BRINP3: variants seen among roughly 807,000 people sequenced by gnomAD.
The protein encoded by BRINP3 is BMP/retinoic acid inducible neural specific 3, also known as BMP/retinoic acid-inducible neural-specific protein 3.
BRINP3 carries 19 observed loss-of-function variants against 71.0 expected under a neutral mutation model. The observed-to-expected ratio is 0.27, with a 90% CI of 0.19 to 0.39. The LOEUF is 0.39. Ranked by LOEUF, BRINP3 falls within the 10% of genes least tolerant of loss-of-function variation. The pLI, the probability that BRINP3 is intolerant of heterozygous loss-of-function variation, is 1.00. For missense variants in BRINP3, 959 were observed against 940.8 expected, an observed-to-expected ratio of 1.02 and a Z score of -0.25; for synonymous variants, 380 against 337.7, an observed-to-expected ratio of 1.13 and a Z score of -1.37.
intron 6 of BRINP3, among the ~76,000 whole-genome samples, chr1:190,216,292 A>G (rs76143719): frequency 0.14 from 21,436 of 151,532 alleles, 2,004 homozygotes; most frequent in South Asian, 0.26. Flanking sequence ...ATTGGTTTTT[A>G]TGTGGTTACT....
intron 2 of BRINP3, among the ~76,000 whole-genome samples, chr1:190,449,013 C>A (rs1334360184): frequency 6.6e-6 from 1 of 151,862 alleles, no homozygotes; most frequent in African/African-American, 2.4e-5. Flanking sequence ...TAAGGTTTTA[C>A]TCAAATTCAG....
At chr1:190,394,246 ACTTAT>A (rs2102320142) in intron 2 of BRINP3, among the ~76,000 whole-genome samples, 1 of 151,604 alleles carries the variant, frequency 6.6e-6, no homozygotes, top group South Asian at 2.1e-4. Flanking sequence ...CTCTCTTTTC[ACTTAT>A]GATTATTTAG....
chr1:190,391,081 G>A (rs1671223535), intron 2 of BRINP3, among the ~76,000 whole-genome samples: 1 of 151,808 alleles, frequency 6.6e-6, no homozygotes, highest in Non-Finnish European at 1.5e-5. Flanking sequence ...GTTATGGGGA[G>A]AATTGGTCTG....
intron 7 of BRINP3, among the ~76,000 whole-genome samples, chr1:190,135,310 T>C (rs1187807712): frequency 1.3e-5 from 2 of 152,146 alleles, no homozygotes; most frequent in Non-Finnish European, 2.9e-5. Context: ...GAAATGTTTC[T>C]GGGAATATTC....
At chr1:190,343,421 T>C (rs1667800807) in intron 2 of BRINP3, among the ~76,000 whole-genome samples, 1 of 151,780 alleles carries the variant, frequency 6.6e-6, no homozygotes, top group African/African-American at 2.4e-5. Context: ...TGCTATGTAC[T>C]ATGGTGAGCT....
chr1:190,374,324 A>C (rs1190940819), intron 2 of BRINP3, among the ~76,000 whole-genome samples: 1 of 152,110 alleles, frequency 6.6e-6, no homozygotes, highest in Non-Finnish European at 1.5e-5. Flanking sequence ...CTATCTATCT[A>C]TGTTTCAACC....
chr1:190,174,434 G>A (rs1652307508), intron 6 of BRINP3, among the ~76,000 whole-genome samples: 2 of 151,790 alleles, frequency 1.3e-5, no homozygotes, highest in South Asian at 2.1e-4. Context: ...ACATATACAT[G>A]TACACACATA....
intron 7 of BRINP3, among the ~76,000 whole-genome samples, chr1:190,115,638 C>A (rs1324283413): frequency 6.6e-6 from 1 of 152,094 alleles, no homozygotes; most frequent in Non-Finnish European, 1.5e-5. Context: ...AAAACAGGAA[C>A]ATCCCGACTC....
intron 1 of BRINP3, among the ~76,000 whole-genome samples, chr1:190,469,663 CACTTT>C (rs1279670112): frequency 2.0e-5 from 3 of 150,770 alleles, no homozygotes; most frequent in Admixed American, 1.3e-4. Flanking sequence ...TCATGAAAAC[CACTTT>C]ACTTATTATC....
intron 2 of BRINP3, among the ~76,000 whole-genome samples, chr1:190,406,379 TAAC>T (rs1453287805): frequency 6.6e-6 from 1 of 152,208 alleles, no homozygotes; most frequent in Non-Finnish European, 1.5e-5. Context: ...TTCATAAGCT[TAAC>T]ACAAATCACA....
At chr1:190,327,510 A>T (rs1202359609) in intron 2 of BRINP3, among the ~76,000 whole-genome samples, 1 of 149,112 alleles carries the variant, frequency 6.7e-6, no homozygotes, top group East Asian at 2.0e-4. Context: ...AAGCGAGCAG[A>T]GATTGCTATT....
intron 4 of BRINP3, among the ~76,000 whole-genome samples, chr1:190,249,746 A>C (rs1659958927): frequency 6.6e-6 from 1 of 151,826 alleles, no homozygotes; most frequent in Non-Finnish European, 1.5e-5. Flanking sequence ...GTGAGAGTAC[A>C]TTTTTCATGC....
Position 190,477,487 on chromosome 1 carries a change from T to G in BRINP3, c.-90A>C, listed in dbSNP as rs1382296277. ...GGAAGCAAGAAGACTGTGAGAAAAA[T>G]ACATCCAGGATTCAAATAGATATTC... is the stretch of plus-strand genomic sequence containing the variant. On this transcript the variant is annotated 5_prime_UTR_variant, in exon 1 of 8. Coordinates refer to ENST00000367462, the MANE Select transcript of BRINP3 (RefSeq NM_199051.3). 6.6e-6 allele frequency: 1 copy of G among 152,032 alleles called. No individual in the cohort carries two copies. Among genetic ancestry groups the G allele is most frequent in the Admixed American group, 6.6e-5 (1 of 15,260 alleles). 9.4% of individuals were successfully genotyped at this position (152,032 alleles called of 1,614,324 possible).
chr1:190,462,708 A>G (rs996935240), intron 1 of BRINP3, among the ~76,000 whole-genome samples: 12 of 152,124 alleles, frequency 7.9e-5, no homozygotes, highest in African/African-American at 2.2e-4. Context: ...ACAGTGTAGT[A>G]TATATTAAGA....
chr1:190,274,802 A>G (rs1007498525), intron 3 of BRINP3, among the ~76,000 whole-genome samples: 34 of 151,488 alleles, frequency 2.2e-4, no homozygotes, highest in Non-Finnish European at 2.8e-4. Flanking sequence ...ATTGTGGGGG[A>G]AAAAAGTGTT....
chr1:190,333,912 C>G (rs902385313), intron 2 of BRINP3, among the ~76,000 whole-genome samples: 1 of 151,838 alleles, frequency 6.6e-6, no homozygotes, highest in African/African-American at 2.4e-5. Flanking sequence ...TACTTGACAG[C>G]CCTTCAAATA....
chr1:190,277,022 CAA>C (rs1662612665), intron 3 of BRINP3, among the ~76,000 whole-genome samples: 1 of 134,278 alleles, frequency 7.4e-6, no homozygotes, highest in Non-Finnish European at 1.6e-5. Flanking sequence ...AACTATTCTT[CAA>C]AGTTTTTCTA....
intron 6 of BRINP3, among the ~76,000 whole-genome samples, chr1:190,162,057 T>C (rs1218543940): frequency 6.6e-6 from 1 of 152,046 alleles, no homozygotes; most frequent in East Asian, 1.9e-4. Context: ...TAGACTTTTA[T>C]CTGAAAAAAG....
intron 4 of BRINP3, among the ~76,000 whole-genome samples, chr1:190,257,892 G>A (rs1388435674): frequency 6.6e-6 from 1 of 152,196 alleles, no homozygotes; most frequent in African/African-American, 2.4e-5. Context: ...TGAGGTGTCA[G>A]TTGGCCTCTA....
Sources: allele counts gnomAD v4.1 joint callset (sites outside exome capture counted in the v4.1 genomes callset), GRCh38; gene constraint gnomAD v4.1.1; transcripts MANE v1.5; gene names NCBI Gene and HGNC (gene_info 2026-07-23, HGNC 2026-07-21).